PUDP: variants seen among roughly 807,000 people sequenced by gnomAD.
The protein encoded by PUDP is pseudouridine 5'-phosphatase.
Under a neutral mutation model 9.4 loss-of-function variants are expected in PUDP, and 8 were observed. The ratio of observed to expected loss-of-function variants is 0.85; its 90% confidence interval spans 0.50 to 1.53. PUDP has a LOEUF of 1.53. PUDP is among the 40% of genes most tolerant of loss of function. The probability of loss-of-function intolerance (pLI) is 0.00; values close to 1 mark genes in which losing one functional copy is unlikely to be tolerated. For synonymous variants in PUDP, 99 were observed against 80.7 expected (o/e 1.23, Z -1.22); for missense variants, 188 against 189.7 (o/e 0.99, Z 0.05).
At chrX:6,943,371 G>C in intron 3 of PUDP, among the ~76,000 whole-genome samples, 1 of 111,630 alleles carries the variant, frequency 9.0e-6, no homozygotes, top group Non-Finnish European at 1.9e-5. Context: ...ATATTTTAAA[G>C]GTTTCTTTCA....
chrX:7,126,038 G>C (rs1171015376), intron 1 of PUDP, among the ~76,000 whole-genome samples: 2 of 111,015 alleles, frequency 1.8e-5, no homozygotes, highest in Non-Finnish European at 3.8e-5. Context: ...TATATATGAA[G>C]ATAATGCCAA....
intron 3 of PUDP, among the ~76,000 whole-genome samples, chrX:6,786,396 C>T (rs1414204569): frequency 9.0e-6 from 1 of 111,296 alleles, no homozygotes; most frequent in African/African-American, 3.3e-5. Flanking sequence ...GATTACAGCC[C>T]TCTGAGTGAA....
chrX:6,720,258 G>GTGTATATATATA (rs1555907522), intron 1 of PUDP, among the ~76,000 whole-genome samples: 135 of 48,766 alleles, frequency 2.8e-3, no homozygotes, highest in African/African-American at 8.0e-3. Context: ...GTGTGTGTGT[G>GTGTATATATATA]TATATATATA....
At chrX:6,974,447 T>C (rs1569133705) in intron 3 of PUDP, among the ~76,000 whole-genome samples, 1 of 112,034 alleles carries the variant, frequency 8.9e-6, no homozygotes, top group Non-Finnish European at 1.9e-5. Context: ...CTGTAAAGGA[T>C]TTTGTTTCTT....
At chrX:6,903,748 T>A (rs1426732020) in intron 3 of PUDP, among the ~76,000 whole-genome samples, 1 of 109,496 alleles carries the variant, frequency 9.1e-6, no homozygotes, top group Non-Finnish European at 1.9e-5. Context: ...TGGGTCCACA[T>A]GGATATAAAA....
chrX:6,965,851 C>T lies in PUDP; in HGVS notation c.*247+11282G>A, dbSNP rs757309584. On this transcript the variant is annotated intron_variant and NMD_transcript_variant, in intron 3 of 3. Coordinates refer to the PUDP transcript ENST00000655425. ...ACTGTATTAAAGACTTTATTTAACT[C>T]TTGAGTTAGGAAACTGGTTGTAAGA... Among the ~76,000 whole-genome samples the T allele has an allele frequency of 3.6e-5, 4 of 111,754 alleles. No individual in the cohort carries two copies. The South Asian group carries it at 1.5e-3, about 42-fold the overall frequency.
chrX:7,031,156 C>T (rs761187101), intron 1 of PUDP, among the ~76,000 whole-genome samples: 3 of 111,127 alleles, frequency 2.7e-5, no homozygotes, highest in Non-Finnish European at 5.7e-5. Context: ...TTCTGTGCAA[C>T]CTGTTTTATC....
chrX:6,973,357 T>A (rs1315775645), intron 3 of PUDP, among the ~76,000 whole-genome samples: 1 of 112,209 alleles, frequency 8.9e-6, no homozygotes, highest in Non-Finnish European at 1.9e-5. Flanking sequence ...TGCTATAAAT[T>A]TCCCTCGAAA....
intron 1 of PUDP, among the ~76,000 whole-genome samples, chrX:7,009,605 G>T (rs1161592660): frequency 2.7e-5 from 3 of 110,118 alleles, no homozygotes; most frequent in Non-Finnish European, 5.7e-5. Context: ...AATGCACTGG[G>T]TTTTTTTTTA....
chrX:6,806,875 T>C (rs771476717), intron 3 of PUDP, among the ~76,000 whole-genome samples: 1 of 112,036 alleles, frequency 8.9e-6, no homozygotes, highest in Non-Finnish European at 1.9e-5. Flanking sequence ...AGTGAGGCAA[T>C]AAAATGTAGA....
At chrX:6,828,221 T>C (rs1254743154) in intron 3 of PUDP, among the ~76,000 whole-genome samples, 1 of 111,523 alleles carries the variant, frequency 9.0e-6, no homozygotes, top group East Asian at 2.8e-4. Flanking sequence ...CAATATATAC[T>C]GGAACAAAGA....
At chrX:6,738,966 A>C (rs1199833276) in intron 3 of PUDP, among the ~76,000 whole-genome samples, 2 of 111,743 alleles carry the variant, frequency 1.8e-5, no homozygotes, top group Non-Finnish European at 3.8e-5. Flanking sequence ...GAAATAGAGG[A>C]AGAGAGAGAT....
chrX:6,889,415 A>G (rs1414103823), intron 3 of PUDP, among the ~76,000 whole-genome samples: 25 of 111,213 alleles, frequency 2.2e-4, no homozygotes, highest in African/African-American at 8.2e-4. Context: ...CCATCCTCCC[A>G]CCTCAGCCTC....
chrX:6,898,163 T>C (rs1007196244), intron 3 of PUDP, among the ~76,000 whole-genome samples: 2 of 112,176 alleles, frequency 1.8e-5, no homozygotes, highest in African/African-American at 6.5e-5. Context: ...GCTAAGCCCA[T>C]GGAGCCCAGG....
rs190658106 is a variant in PUDP at position 7,137,229 on chromosome X, G to A, written c.61+10824C>T. 5.2e-5 allele frequency among the ~76,000 whole-genome samples: 5 copies of A among 96,916 alleles called. No homozygotes were observed. In the East Asian group the frequency reaches 1.7e-3, roughly 34 times the overall value. The allele number at this position is 96,916 out of a possible 115,157, so 84.2% of individuals were successfully genotyped here. A position where few individuals can be genotyped will look rare whatever the true frequency, so the allele number is the denominator to read the frequency against. On this transcript the variant is annotated intron_variant, in intron 1 of 3. Coordinates refer to ENST00000381077, the MANE Select transcript of PUDP (RefSeq NM_012080.5). ...GCACTCCAGCCTGGGTGACAAGAGCGAGACTCCATCTCAAAAAAAAAAAAT... is the reference window on the plus strand; with the variant it reads ...GCACTCCAGCCTGGGTGACAAGAGCAAGACTCCATCTCAAAAAAAAAAAAT...
intron 3 of PUDP, among the ~76,000 whole-genome samples, chrX:6,857,007 C>T (rs1480784646): frequency 1.8e-5 from 2 of 112,458 alleles, no homozygotes; most frequent in African/African-American, 6.5e-5. Flanking sequence ...TGGTTCTGAT[C>T]TGGCTGCTGT....
At chrX:7,012,993 T>C (rs1419303534) in intron 1 of PUDP, among the ~76,000 whole-genome samples, 7 of 111,835 alleles carry the variant, frequency 6.3e-5, no homozygotes, top group Admixed American at 9.5e-5. Flanking sequence ...TCACTCTTAA[T>C]TTTTTTCTTC....
At chrX:6,885,145 T>A (rs148762171) in intron 3 of PUDP, among the ~76,000 whole-genome samples, 2,288 of 111,917 alleles carry the variant, frequency 0.02, 23 homozygotes, top group Middle Eastern at 0.073. Context: ...TTTTCCTTTT[T>A]TAAAGCAGTG....
intron 3 of PUDP, among the ~76,000 whole-genome samples, chrX:6,890,071 C>T (rs1289105479): frequency 9.0e-6 from 1 of 111,479 alleles, no homozygotes; most frequent in East Asian, 2.8e-4. Context: ...GTGCTGGAAA[C>T]CAGGAAGACA....
Sources: allele counts gnomAD v4.1 joint callset (sites outside exome capture counted in the v4.1 genomes callset), GRCh38; gene constraint gnomAD v4.1.1; transcripts MANE v1.5; gene names NCBI Gene and HGNC (gene_info 2026-07-23, HGNC 2026-07-21).